Variants in SIPA1L3 observed in about 807,000 individuals in gnomAD.
SIPA1L3 encodes the protein signal-induced proliferation-associated 1-like protein 3.
SIPA1L3 carries 59 observed loss-of-function variants against 150.1 expected under a neutral mutation model. That is an observed-to-expected ratio of 0.39 (90% CI 0.32 to 0.49). The LOEUF (loss-of-function observed/expected upper bound fraction) is 0.49, where lower values mean the gene tolerates loss of function less well. SIPA1L3 is among the 20% of genes least tolerant of loss of function. The pLI is 0.86. For missense variants in SIPA1L3, 2,211 were observed against 2,489.5 expected (o/e 0.89, Z 2.38); for synonymous variants, 1,070 against 1,077.6 (o/e 0.99, Z 0.14).
chr19:38,187,715 C>CCAAAAAA (rs1972716795), intron 16 of SIPA1L3, among the ~76,000 whole-genome samples: 1 of 59,532 alleles, frequency 1.7e-5, no homozygotes, highest in Non-Finnish European at 2.9e-5. Context: ...GACTCCGTCT[C>CCAAAAAA]AAAAAAAAAA....
intron 9 of SIPA1L3, among the ~76,000 whole-genome samples, chr19:38,121,170 C>T (rs992684467): frequency 4.0e-5 from 6 of 151,234 alleles, no homozygotes; most frequent in Admixed American, 6.6e-5. Flanking sequence ...AGTGAGATGC[C>T]GTTTCTAAAA....
chr19:37,914,947 A>G (rs1420985326), intron 1 of SIPA1L3, among the ~76,000 whole-genome samples: 1 of 152,198 alleles, frequency 6.6e-6, no homozygotes, highest in Non-Finnish European at 1.5e-5. Context: ...AACTCATTTT[A>G]CAGATGAGGA....
intron 2 of SIPA1L3, among the ~76,000 whole-genome samples, chr19:38,036,821 C>T (rs995126013): frequency 6.6e-6 from 1 of 152,106 alleles, no homozygotes; most frequent in Admixed American, 6.5e-5. Flanking sequence ...GAGCTCCCCC[C>T]ACTCGCCCCA....
intron 2 of SIPA1L3, among the ~76,000 whole-genome samples, chr19:38,035,871 G>C (rs1228251316): frequency 6.6e-6 from 1 of 152,142 alleles, no homozygotes; most frequent in Non-Finnish European, 1.5e-5. Flanking sequence ...GATAATAAGC[G>C]TGAGCTGCTG....
intron 10 of SIPA1L3, among the ~76,000 whole-genome samples, chr19:38,133,687 G>A (rs1971367263): frequency 6.6e-6 from 1 of 152,148 alleles, no homozygotes; most frequent in Non-Finnish European, 1.5e-5. Context: ...AGGCTGTCTA[G>A]GTTTGAATCC....
At chr19:38,084,635 CTTTTTTTT>C (rs902218818) in intron 3 of SIPA1L3, among the ~76,000 whole-genome samples, 2 of 104,500 alleles carry the variant, frequency 1.9e-5, no homozygotes, top group African/African-American at 3.9e-5. Context: ...TTTTCTTTTT[CTTTTTTTT>C]TTTTTTTTTT....
chr19:38,183,702 C>A (rs1355667437), intron 16 of SIPA1L3, among the ~76,000 whole-genome samples: 1 of 152,152 alleles, frequency 6.6e-6, no homozygotes, highest in Admixed American at 6.5e-5. Context: ...GGAAGAGCCC[C>A]TAAGGCAGGG....
intron 1 of SIPA1L3, among the ~76,000 whole-genome samples, chr19:38,019,545 A>G (rs1211376659): frequency 6.6e-6 from 1 of 152,218 alleles, no homozygotes; most frequent in Non-Finnish European, 1.5e-5. Context: ...TTAGCTGAGC[A>G]TCCTGAGAAG....
chr19:38,077,649 C>CT (rs1187168284), intron 2 of SIPA1L3, among the ~76,000 whole-genome samples: 1 of 72,482 alleles, frequency 1.4e-5, no homozygotes, highest in Admixed American at 1.6e-4. Flanking sequence ...TTTCTTTTTT[C>CT]TTTTTCTTTT....
At chr19:38,039,456 G>A (rs1376594399) in intron 2 of SIPA1L3, among the ~76,000 whole-genome samples, 1 of 151,986 alleles carries the variant, frequency 6.6e-6, no homozygotes. Flanking sequence ...CAATTTGGGA[G>A]GCTGAGGCGG....
intron 16 of SIPA1L3, 167 bp downstream of exon 16, chr19:38,182,907 C>T (rs1174842232): frequency 6.9e-6 from 4 of 582,210 alleles, no homozygotes; most frequent in Non-Finnish European, 1.2e-5. Flanking sequence ...GAGAACCCCT[C>T]TTGGGGAGCT....
chr19:38,132,354 C>G (rs1346966068), intron 10 of SIPA1L3, among the ~76,000 whole-genome samples: 1 of 151,778 alleles, frequency 6.6e-6, no homozygotes, highest in Non-Finnish European at 1.5e-5. Flanking sequence ...GGCGGGAGTT[C>G]AAGACCAGCC....
chr19:37,937,741 C>CAATAAAAAAAA, intron 1 of SIPA1L3, among the ~76,000 whole-genome samples: 1 of 18,674 alleles, frequency 5.4e-5, no homozygotes, highest in Non-Finnish European at 9.3e-5. Flanking sequence ...AACCCTGTCT[C>CAATAAAAAAAA]AAAAAAAAAA....
intron 6 of SIPA1L3, among the ~76,000 whole-genome samples, chr19:38,104,539 G>A (rs1334692326): frequency 1.3e-5 from 2 of 152,158 alleles, no homozygotes; most frequent in East Asian, 3.9e-4. Context: ...TGGCGTGGAG[G>A]AAGCTGGCAG....
At chr19:38,012,616 A>G (rs974532153) in intron 1 of SIPA1L3, among the ~76,000 whole-genome samples, 7 of 151,608 alleles carry the variant, frequency 4.6e-5, no homozygotes, top group African/African-American at 1.7e-4. Flanking sequence ...CATGTCCTCC[A>G]TCCCCCGTCT....
At chr19:37,943,815 T>A (rs1164831120) in intron 1 of SIPA1L3, among the ~76,000 whole-genome samples, 1 of 152,202 alleles carries the variant, frequency 6.6e-6, no homozygotes, top group African/African-American at 2.4e-5. Context: ...TCTCTTAGCG[T>A]GGTCTCCTGT....
intron 1 of SIPA1L3, among the ~76,000 whole-genome samples, chr19:37,962,204 C>A (rs1331179358): frequency 2.0e-5 from 3 of 147,742 alleles, no homozygotes; most frequent in African/African-American, 7.6e-5. Flanking sequence ...AGTGCAGTGG[C>A]ACGATTTTGG....
intron 1 of SIPA1L3, among the ~76,000 whole-genome samples, chr19:38,010,319 G>T (rs1050536549): frequency 7.2e-5 from 11 of 152,076 alleles, no homozygotes; most frequent in Middle Eastern, 3.4e-3. Context: ...GAAGTGGGAG[G>T]ATCACTGTAG....
intron 1 of SIPA1L3, among the ~76,000 whole-genome samples, chr19:37,978,671 G>C (rs911533193): frequency 2.0e-5 from 3 of 152,014 alleles, no homozygotes; most frequent in Non-Finnish European, 2.9e-5. Context: ...TTTGCATATA[G>C]TACAATATTT....
Sources: allele counts gnomAD v4.1 joint callset (sites outside exome capture counted in the v4.1 genomes callset), GRCh38; gene constraint gnomAD v4.1.1; transcripts MANE v1.5; gene names NCBI Gene and HGNC (gene_info 2026-07-23, HGNC 2026-07-21).